Variants in RTL9 observed in about 807,000 individuals in gnomAD.
The protein encoded by RTL9 is retrotransposon Gag-like protein 9.
In RTL9, 19 loss-of-function variants were observed where a neutral mutation model predicts 44.7. That is an observed-to-expected ratio of 0.42 (90% CI 0.30 to 0.62). The LOEUF (loss-of-function observed/expected upper bound fraction) is 0.62. RTL9 is among the 20% of genes least tolerant of loss of function. The pLI is 0.16. For synonymous variants in RTL9, 407 were observed against 398.9 expected (o/e 1.02, Z -0.24); for missense variants, 1,105 against 1,080.6 (o/e 1.02, Z -0.32).
chrX:110,398,681 T>G (rs917658198), intron 1 of RTL9, among the ~76,000 whole-genome samples: 8 of 112,057 alleles, frequency 7.1e-5, no homozygotes, highest in Non-Finnish European at 1.1e-4. Context: ...CAAGTTGAAT[T>G]ATTTGTTTCC....
intron 1 of RTL9, among the ~76,000 whole-genome samples, chrX:110,397,982 C>T (rs1052209981): frequency 8.9e-6 from 1 of 112,404 alleles, no homozygotes. Flanking sequence ...GAACCCGCTT[C>T]CTTGACTACC....
chrX:110,410,802 C>T (rs2068636964), intron 1 of RTL9, among the ~76,000 whole-genome samples: 1 of 111,875 alleles, frequency 8.9e-6, no homozygotes, highest in Non-Finnish European at 1.9e-5. Context: ...TAGCTGGGGC[C>T]TTGGGACAAG....
intron 1 of RTL9, among the ~76,000 whole-genome samples, chrX:110,424,371 A>G (rs1220023218): frequency 9.0e-6 from 1 of 111,723 alleles, no homozygotes; most frequent in African/African-American, 3.3e-5. Context: ...CTATTTATCC[A>G]GAACTGCATT....
intron 1 of RTL9, among the ~76,000 whole-genome samples, chrX:110,385,765 T>C (rs1426309152): frequency 9.0e-6 from 1 of 110,754 alleles, no homozygotes. Context: ...GCTGATCCCA[T>C]CACCCAGACA....
intron 1 of RTL9, among the ~76,000 whole-genome samples, chrX:110,431,474 A>C (rs2068796281): frequency 9.1e-6 from 1 of 109,677 alleles, no homozygotes; most frequent in African/African-American, 3.3e-5. Context: ...GCTCCTTTTC[A>C]AGGGTTTTTC....
intron 1 of RTL9, among the ~76,000 whole-genome samples, chrX:110,387,683 T>C (rs1315348257): frequency 9.0e-6 from 1 of 111,322 alleles, no homozygotes; most frequent in Non-Finnish European, 1.9e-5. Flanking sequence ...ACAGGGCTAT[T>C]AACTGGAAGA....
intron 1 of RTL9, among the ~76,000 whole-genome samples, chrX:110,387,800 C>T (rs1286651533): frequency 9.1e-6 from 1 of 109,718 alleles, no homozygotes; most frequent in Non-Finnish European, 1.9e-5. Context: ...CTGGCACTTC[C>T]TAATCACTGC....
At chrX:110,427,663 T>C (rs2068763835) in intron 1 of RTL9, among the ~76,000 whole-genome samples, 1 of 112,300 alleles carries the variant, frequency 8.9e-6, no homozygotes, top group Admixed American at 9.4e-5. Flanking sequence ...CAGGTGCTTC[T>C]AATATACAGT....
At chrX:110,374,986 A>G (rs1377163188) in intron 1 of RTL9, among the ~76,000 whole-genome samples, 1 of 111,544 alleles carries the variant, frequency 9.0e-6, no homozygotes, top group Admixed American at 9.5e-5. Flanking sequence ...TGAAAGGCTA[A>G]CTAACCCAGG....
exon 1 of RTL9, chrX:110,453,337 C>G (rs1261043361): frequency 8.3e-7 from 1 of 1,210,596 alleles, no homozygotes; most frequent in Non-Finnish European, 1.1e-6. Context: ...GCTCCAGCCT[C>G]TGGAACTATG....
At chrX:110,386,192 T>G (rs1333820188) in intron 1 of RTL9, among the ~76,000 whole-genome samples, 1 of 110,956 alleles carries the variant, frequency 9.0e-6, no homozygotes. Context: ...GTTTAATGGT[T>G]TGAGGAACCA....
intron 1 of RTL9, among the ~76,000 whole-genome samples, chrX:110,395,812 A>T (rs894433531): frequency 9.1e-6 from 1 of 110,436 alleles, no homozygotes; most frequent in Non-Finnish European, 1.9e-5. Flanking sequence ...TGCAGCCCAC[A>T]CCAGCAGTCA....
intron 1 of RTL9, among the ~76,000 whole-genome samples, chrX:110,410,791 G>A (rs1049967154): frequency 9.0e-6 from 1 of 111,585 alleles, no homozygotes; most frequent in African/African-American, 3.3e-5. Context: ...TAGATATGTC[G>A]TAGCTGGGGC....
exon 1 of RTL9, chrX:110,453,206 G>A: frequency 8.3e-7 from 1 of 1,211,515 alleles, no homozygotes; most frequent in South Asian, 1.8e-5. Context: ...TGCCACTGAT[G>A]AGAGCCCCAG....
intron 1 of RTL9, among the ~76,000 whole-genome samples, chrX:110,387,775 T>G (rs748964224): frequency 2.2e-4 from 24 of 111,302 alleles, no homozygotes; most frequent in African/African-American, 7.8e-4. Context: ...ATGCATATTG[T>G]TTAGTAGCAT....
exon 1 of RTL9, chrX:110,452,818 C>T (rs781320463): frequency 1.2e-5 from 15 of 1,210,086 alleles, no homozygotes; most frequent in Admixed American, 2.2e-5. Flanking sequence ...ATGTCCATGT[C>T]GCCCATGAAG....
At chrX:110,368,034 T>A (rs1480254993) in intron 1 of RTL9, among the ~76,000 whole-genome samples, 1 of 105,206 alleles carries the variant, frequency 9.5e-6, no homozygotes, top group Non-Finnish European at 1.9e-5. Context: ...GAAACAGATG[T>A]CTTGCTTTGT....
chrX:110,399,430 C>G (rs2068549810), intron 1 of RTL9, among the ~76,000 whole-genome samples: 1 of 112,466 alleles, frequency 8.9e-6, no homozygotes, highest in African/African-American at 3.2e-5. Flanking sequence ...AATTTGCGCT[C>G]ACAGCAGGTG....
At chrX:110,406,215 G>A (rs1456172001) in intron 1 of RTL9, among the ~76,000 whole-genome samples, 1 of 109,056 alleles carries the variant, frequency 9.2e-6, no homozygotes, top group Admixed American at 9.8e-5. Flanking sequence ...CCATCTACCC[G>A]TCACCTACAT....
Sources: allele counts gnomAD v4.1 joint callset (sites outside exome capture counted in the v4.1 genomes callset), GRCh38; gene constraint gnomAD v4.1.1; transcripts MANE v1.5; gene names NCBI Gene and HGNC (gene_info 2026-07-23, HGNC 2026-07-21).